The following IFITM10 variants were observed in gnomAD, a reference collection of about 807,000 sequenced individuals.
IFITM10 encodes the protein interferon-induced transmembrane protein 10.
Under a neutral mutation model 19.0 loss-of-function variants are expected in IFITM10, and 17 were observed. That is an observed-to-expected ratio of 0.90 (90% CI 0.61 to 1.34). The LOEUF (loss-of-function observed/expected upper bound fraction) is 1.34, where lower values mean the gene tolerates loss of function less well. Ranked by LOEUF, IFITM10 falls within the 40% of genes most tolerant of loss-of-function variation. The pLI is 0.00. For synonymous variants in IFITM10, 148 were observed against 147.2 expected, an observed-to-expected ratio of 1.01 and a Z score of -0.04; for missense variants, 306 against 319.8, an observed-to-expected ratio of 0.96 and a Z score of 0.33.
chr11:1,745,659 CCA>C (rs1340419434), intron 2 of IFITM10: 3 of 152,414 alleles, frequency 2.0e-5, no homozygotes, highest in South Asian at 2.1e-4. Context: ...TTTACATGAA[CCA>C]CACACGTGTG....
At chr11:1,736,287 C>T (rs1458163556) in intron 2 of IFITM10, among the ~76,000 whole-genome samples, 1 of 152,118 alleles carries the variant, frequency 6.6e-6, no homozygotes, top group African/African-American at 2.4e-5. Context: ...ATGCCTGGAT[C>T]CCTCAGTGTG....
At position 1,735,399 on chromosome 11, in the gene IFITM10, T is replaced by C; in HGVS notation, c.568A>G (p.Asn190Asp). Residue 190 changes from asparagine to aspartate, a missense_variant, in exon 3 of 3, where the codon AAT (asparagine) becomes GAT (aspartate). By Grantham distance (23) the Asn-to-Asp change is conservative. Coordinates refer to ENST00000340134, the MANE Select transcript of IFITM10 (RefSeq NM_001170820.4). ...GTCTTTGCATCCTCCACGGCTCCAT[T>C]CAGGTCATTGAGAAGCTTCTTGTCT... ...VRDKKLLNDL[N>D]GAVEDAKTAR... is the part of the protein sequence containing the mutation. 1 of 1,551,588 alleles carries C rather than the reference T, an allele frequency of 6.4e-7. No individual in the cohort carries two copies. Among genetic ancestry groups the C allele is most frequent in the South Asian group, 1.2e-5 (1 of 84,056 alleles).
chr11:1,749,635 TCAGTCCCCTCCTGACGAAGCTC>T (rs1419411416), intron 1 of IFITM10, among the ~76,000 whole-genome samples: 1 of 151,590 alleles, frequency 6.6e-6, no homozygotes, highest in Non-Finnish European at 1.5e-5. Flanking sequence ...TTCCAGCAGC[TCAGTCCCCTCCTGACGAAGCTC>T]CAGTCCCCTG....
rs1387335090 is a variant in IFITM10 at position 1,735,136 on chromosome 11, C to T, written c.*144G>A. ...CTTGCTGTACTCAGCTTCTGATGGC[C>T]TTGCTGCCCAGTTCACAGCTCAAGG... On this transcript the variant is annotated 3_prime_UTR_variant, in exon 3 of 3. Transcript: ENST00000340134. 3.7e-6 allele frequency: 3 copies of T among 806,472 alleles called. No individual in the cohort carries two copies. Among genetic ancestry groups the T allele is most frequent in the East Asian group, 5.4e-5 (2 of 36,860 alleles). The allele number at this position is 806,472 out of a possible 1,614,324, so 50.0% of individuals were successfully genotyped here. A position where few individuals can be genotyped will look rare whatever the true frequency, so the allele number is the denominator to read the frequency against.
At chr11:1,744,138 G>T (rs543191658) in intron 2 of IFITM10, among the ~76,000 whole-genome samples, 1 of 152,224 alleles carries the variant, frequency 6.6e-6, no homozygotes, top group Non-Finnish European at 1.5e-5. Context: ...AACTGGGAAT[G>T]AAGTATTCCT....
chr11:1,741,192 G>T (rs1288019202), intron 2 of IFITM10, among the ~76,000 whole-genome samples: 1 of 152,026 alleles, frequency 6.6e-6, no homozygotes, highest in Admixed American at 6.6e-5. Flanking sequence ...GGGGCACCAA[G>T]GGAGTGAACA....
At chr11:1,750,231 C>T in intron 1 of IFITM10, 128 bp downstream of exon 1, 1 of 1,499,990 alleles carries the variant, frequency 6.7e-7, no homozygotes, top group Non-Finnish European at 9.0e-7. Context: ...TTGACGCCAG[C>T]TGATCTTCCA....
intron 2 of IFITM10, among the ~76,000 whole-genome samples, chr11:1,740,042 C>T (rs1364353524): frequency 6.6e-6 from 1 of 152,136 alleles, no homozygotes; most frequent in African/African-American, 2.4e-5. Context: ...TGGCTCACGC[C>T]TGTAATCCCA....
Position 1,735,294 on chromosome 11 carries a change from G to C in IFITM10, c.673C>G (p.Leu225Val), listed in dbSNP as rs1477533948. ...CCTGGCGGGCCTTAGTAGTCGGTGAGGGGGTACCGCAGGAAGATGAAGACG... is the reference window on the plus strand; with the variant it reads ...CCTGGCGGGCCTTAGTAGTCGGTGACGGGGTACCGCAGGAAGATGAAGACG... ...ILVFIFLRYP[L>V]TDY is the part of the protein sequence containing the mutation. Residue 225 changes from leucine to valine, a missense_variant, in exon 3 of 3, where the codon CTC (leucine) becomes GTC (valine). Transcript: ENST00000340134. 4 of 1,551,620 alleles carry C rather than the reference G, an allele frequency of 2.6e-6. No homozygotes were observed. In the African/African-American group the frequency reaches 5.5e-5, roughly 21 times the overall value.
At chr11:1,738,970 C>T (rs1236768437) in intron 2 of IFITM10, among the ~76,000 whole-genome samples, 1 of 140,090 alleles carries the variant, frequency 7.1e-6, no homozygotes, top group Non-Finnish European at 1.5e-5. Flanking sequence ...AGGAGAATCG[C>T]TTGAACTCGG....
intron 2 of IFITM10, chr11:1,746,678 G>A (rs1438153578): frequency 2.5e-6 from 1 of 398,656 alleles, no homozygotes; most frequent in Non-Finnish European, 4.4e-6. Flanking sequence ...CTGGCCAGGC[G>A]TCCTTCCTCC....
chr11:1,744,110 T>C (rs1845608781), intron 2 of IFITM10, among the ~76,000 whole-genome samples: 2 of 152,100 alleles, frequency 1.3e-5, no homozygotes, highest in South Asian at 4.2e-4. Context: ...CTTCTAGAAG[T>C]TTTCCAGCCT....
chr11:1,749,001 C>A (rs1014860661), intron 1 of IFITM10: 18 of 1,037,714 alleles, frequency 1.7e-5, no homozygotes, highest in Non-Finnish European at 2.1e-5. Context: ...GCCCCCCGGA[C>A]GGCGCCTCCT....
intron 2 of IFITM10, among the ~76,000 whole-genome samples, chr11:1,738,168 C>T (rs1229483937): frequency 4.6e-5 from 7 of 151,770 alleles, no homozygotes; most frequent in South Asian, 2.1e-4. Context: ...GAGGGCTGGA[C>T]GGATATAAAA....
chr11:1,741,732 T>C (rs1845572307), intron 2 of IFITM10, among the ~76,000 whole-genome samples: 2 of 151,996 alleles, frequency 1.3e-5, no homozygotes, highest in Admixed American at 1.3e-4. Context: ...AAGGAAGGGA[T>C]GACATATAAG....
intron 1 of IFITM10, chr11:1,749,133 G>T (rs1413535223): frequency 1.4e-5 from 14 of 1,004,176 alleles, no homozygotes; most frequent in Non-Finnish European, 1.7e-5. Flanking sequence ...CAACCTTGAG[G>T]GGGTGGGGAG....
At chr11:1,742,927 TGGAG>T (rs991475714) in intron 2 of IFITM10, among the ~76,000 whole-genome samples, 34 of 144,102 alleles carry the variant, frequency 2.4e-4, no homozygotes, top group African/African-American at 8.9e-4. Flanking sequence ...GATAGATGGA[TGGAG>T]GATGGATGGA....
intron 2 of IFITM10, among the ~76,000 whole-genome samples, chr11:1,740,701 TAAA>T (rs1845556066): frequency 6.6e-6 from 1 of 152,180 alleles, no homozygotes; most frequent in Non-Finnish European, 1.5e-5. Context: ...GGCAGAGATA[TAAA>T]TTTGAGAAGC....
At chr11:1,746,539 G>C in intron 2 of IFITM10, 1 of 398,646 alleles carries the variant, frequency 2.5e-6, no homozygotes, top group Non-Finnish European at 4.4e-6. Context: ...CGAGGTTGAA[G>C]GTGCCCGTGC....
Sources: allele counts gnomAD v4.1 joint callset (sites outside exome capture counted in the v4.1 genomes callset), GRCh38; gene constraint gnomAD v4.1.1; transcripts MANE v1.5; gene names NCBI Gene and HGNC (gene_info 2026-07-23, HGNC 2026-07-21).